Variants in ENOSF1 observed in about 807,000 individuals in gnomAD.
ENOSF1 encodes mitochondrial enolase superfamily member 1.
ENOSF1 carries 73 observed loss-of-function variants against 68.2 expected under a neutral mutation model. The observed-to-expected ratio is 1.07, with a 90% CI of 0.89 to 1.30. The LOEUF is 1.30. Ranked by LOEUF, ENOSF1 falls within the 50% of genes most tolerant of loss-of-function variation. The pLI, the probability that ENOSF1 is intolerant of heterozygous loss-of-function variation, is 0.00. For missense variants in ENOSF1, 589 were observed against 554.5 expected, an observed-to-expected ratio of 1.06 and a Z score of -0.62; for synonymous variants, 223 against 210.4, an observed-to-expected ratio of 1.06 and a Z score of -0.52.
rs2075178404 is a variant in ENOSF1 at position 673,586 on chromosome 18, T to G, written c.*719A>C. 1 of 180,364 alleles carries G rather than the reference T, an allele frequency of 5.5e-6. No individual in the cohort carries two copies. Among genetic ancestry groups the G allele is most frequent in the African/African-American group, 2.4e-5 (1 of 42,526 alleles). The allele number at this position is 180,364 out of a possible 1,614,324, so 11.2% of individuals were successfully genotyped here. ...GAACTCTCCTTAAGTAAACATGTGCTGTATTCTGGTTTGGATGCTACTTAA... is the reference window on the plus strand; with the variant it reads ...GAACTCTCCTTAAGTAAACATGTGCGGTATTCTGGTTTGGATGCTACTTAA... On this transcript the variant is annotated 3_prime_UTR_variant, in exon 16 of 16. Coordinates refer to ENST00000647584, the MANE Select transcript of ENOSF1 (RefSeq NM_017512.7).
At chr18:693,488 C>A in intron 5 of ENOSF1, 1 of 985,258 alleles carries the variant, frequency 1.0e-6, no homozygotes, top group Non-Finnish European at 1.2e-6. Context: ...ATAATATCTT[C>A]ATAATATTAT....
chr18:690,462 A>G (rs1342362258), intron 8 of ENOSF1, 87 bp downstream of exon 8: 2 of 1,422,114 alleles, frequency 1.4e-6, no homozygotes, highest in East Asian at 4.6e-5. Context: ...GAAGTGAGGT[A>G]CTGAGAGTAG....
rs1489008729 is a variant in ENOSF1 at position 691,251 on chromosome 18, A to T, written c.449T>A (p.Ile150Lys). Residue 150 changes from isoleucine (I) to lysine (K), a missense_variant, in exon 6 of 16, where the codon ATA becomes AAA. By Grantham distance (102) the Ile-to-Lys change is moderately radical (BLOSUM62 -3). Transcript: ENST00000647584. ...GACATCAGTGATGTACCTGAAATCT[A>T]TGCAGGATACCAGCATCCTGGGATC... ...DMDPRMLVSC[I>K]DFRYITDVLT... 1 of 1,614,070 alleles carries T rather than the reference A, an allele frequency of 6.2e-7. No homozygotes were observed. Among genetic ancestry groups the T allele is most frequent in the African/African-American group, 1.3e-5 (1 of 74,934 alleles).
intron 2 of ENOSF1, among the ~76,000 whole-genome samples, chr18:703,287 GCTT>G (rs1160484580): frequency 6.6e-6 from 1 of 152,122 alleles, no homozygotes; most frequent in Non-Finnish European, 1.5e-5. Flanking sequence ...TCCCAGAAGG[GCTT>G]CTTATCTATC....
intron 1 of ENOSF1, among the ~76,000 whole-genome samples, chr18:709,158 A>G (rs566061427): frequency 1.2e-4 from 19 of 152,296 alleles, no homozygotes; most frequent in African/African-American, 4.1e-4. Context: ...ATCCAGACCT[A>G]TAAGTTAAGG....
chr18:682,723 A>AT (rs1276467721), intron 11 of ENOSF1, among the ~76,000 whole-genome samples: 3,078 of 150,300 alleles, frequency 0.02, 113 homozygotes, highest in African/African-American at 0.072. Context: ...ACCAAAAAAA[A>AT]AAAAAAAAAA....
intron 2 of ENOSF1, among the ~76,000 whole-genome samples, chr18:706,232 T>TAG (rs2078919798): frequency 6.6e-6 from 1 of 152,104 alleles, no homozygotes; most frequent in East Asian, 1.9e-4. Context: ...GCCAAGGATT[T>TAG]TCTAACAGGC....
At position 674,417 on chromosome 18, in the gene ENOSF1, C is replaced by A; in HGVS notation, c.1231-11G>T. On this transcript the variant is annotated splice_polypyrimidine_tract_variant and intron_variant, in intron 15 of 15. Coordinates refer to ENST00000647584, the MANE Select transcript of ENOSF1 (RefSeq NM_017512.7). ...TGAGTAGCCGGGATCCTATCAAAGA[C>A]CAAAAAAATGAGTCCTGTTAACAAC... The A allele has an allele frequency of 1.3e-6, 2 of 1,576,944 alleles. No individual in the cohort carries two copies. The highest frequency in any genetic ancestry group is 2.3e-5 in the South Asian group (2 of 87,100).
chr18:675,251 T>G, intron 15 of ENOSF1, 70 bp downstream of exon 15: 1 of 1,159,566 alleles, frequency 8.6e-7, no homozygotes. Context: ...CTCCACAGTC[T>G]AGTTCACGAG....
At position 672,602 on chromosome 18, in the gene ENOSF1, G is replaced by GAACTT. The variant is rs2075111774; in HGVS notation, c.*1698_*1702dup. Reference sequence around the variant, plus strand: ...ATAAATTTGCCAAGAGTGGTTATAAGAACTTACACCTGATGAGGCACCAGG... The same window carrying GAACTT: ...ATAAATTTGCCAAGAGTGGTTATAAGAACTTAACTTACACCTGATGAGGCACCAGG... On this transcript the variant is annotated 3_prime_UTR_variant, in exon 16 of 16. Coordinates refer to ENST00000647584, the MANE Select transcript of ENOSF1 (RefSeq NM_017512.7). The GAACTT allele has an allele frequency of 6.5e-6, 2 of 305,430 alleles. No homozygotes were observed. Among genetic ancestry groups the GAACTT allele is most frequent in the Non-Finnish European group, 1.2e-5 (2 of 164,158 alleles). 18.9% of individuals were successfully genotyped at this position (305,430 alleles called of 1,614,324 possible).
intron 1 of ENOSF1, among the ~76,000 whole-genome samples, chr18:712,045 C>G (rs145354775): frequency 5.3e-5 from 8 of 152,312 alleles, no homozygotes; most frequent in African/African-American, 1.9e-4. Flanking sequence ...GCGCTGTGCT[C>G]TAGGGTTTCC....
chr18:689,964 C>A (rs2076984597), intron 8 of ENOSF1, among the ~76,000 whole-genome samples: 1 of 152,028 alleles, frequency 6.6e-6, no homozygotes, highest in Non-Finnish European at 1.5e-5. Flanking sequence ...ATACTGAAGC[C>A]TCCATAAAAC....
rs34454509 is a variant in ENOSF1 at position 693,888 on chromosome 18, C to T, written c.417G>A (p.Val139=). ...QEGKPVWKLL[V]DMDPRMLVSC... is the part of the protein sequence containing the mutation. ...CATTAACAATGCTACTCACCATGTCCACAAGTAACTTCCAGACAGGCTTGA... is the reference window on the plus strand; with the variant it reads ...CATTAACAATGCTACTCACCATGTCTACAAGTAACTTCCAGACAGGCTTGA... The change falls in exon 5 of 16, where the codon GTG becomes GTA. Residue 139 remains valine, a synonymous_variant. Transcript: ENST00000647584. 5,556 of 1,613,954 alleles carry T rather than the reference C, an allele frequency of 3.4e-3. 183 individuals are homozygous for T. The African/African-American group carries it at 0.066, about 19-fold the overall frequency.
intron 2 of ENOSF1, among the ~76,000 whole-genome samples, chr18:701,051 C>G (rs994910602): frequency 6.6e-6 from 1 of 152,002 alleles, no homozygotes; most frequent in African/African-American, 2.4e-5. Context: ...TTCTCTGGAG[C>G]CTCTAGCACT....
downstream of ENOSF1, among the ~76,000 whole-genome samples, chr18:666,927 TGATGGTGATGGA>T (rs1405736455): frequency 0.069 from 3,770 of 54,584 alleles, 754 homozygotes; most frequent in Non-Finnish European, 0.082. Flanking sequence ...ATGGAGATGG[TGATGGTGATGGA>T]GATGGTGATG....
At chr18:681,263 T>C (rs944350947) in intron 11 of ENOSF1, among the ~76,000 whole-genome samples, 4 of 152,224 alleles carry the variant, frequency 2.6e-5, no homozygotes, top group Admixed American at 1.3e-4. Flanking sequence ...TGGCAGCCTG[T>C]CCCTGGCATG....
intron 11 of ENOSF1, chr18:683,027 A>G (rs2076235219): frequency 1.9e-6 from 1 of 530,574 alleles, no homozygotes. Flanking sequence ...AGCTTACTTT[A>G]TCTAAAACAA....
At chr18:691,171 A>G (rs1172739768) in intron 6 of ENOSF1, 33 bp downstream of exon 6, 1 of 1,613,542 alleles carries the variant, frequency 6.2e-7, no homozygotes, top group South Asian at 1.1e-5. Context: ...CTGTGTGTGC[A>G]CGTCGTGTAT....
At chr18:677,642 A>G in intron 13 of ENOSF1, 101 bp downstream of exon 13, 17 of 1,471,088 alleles carry the variant, frequency 1.2e-5, no homozygotes, top group Non-Finnish European at 1.5e-5. Flanking sequence ...TCGAAATGGC[A>G]AACTACAGAC....
Sources: gnomAD v4.1 joint callset for allele counts (sites outside exome capture counted in the v4.1 genomes callset) on GRCh38, gnomAD v4.1.1 for gene constraint, MANE v1.5 for transcripts, NCBI Gene and HGNC (gene_info 2026-07-23, HGNC 2026-07-21) for gene names.